OSBPL6: variants seen among roughly 807,000 people sequenced by gnomAD.
OSBPL6 encodes oxysterol binding protein like 6.
A neutral mutation model predicts 125.8 loss-of-function variants in OSBPL6; 49 were observed. That is an observed-to-expected ratio of 0.39 (90% CI 0.31 to 0.49). The LOEUF (loss-of-function observed/expected upper bound fraction) is 0.49. Ranked by LOEUF, OSBPL6 falls within the 20% of genes least tolerant of loss-of-function variation. The pLI is 0.88. For synonymous variants in OSBPL6, 394 were observed against 391.8 expected (o/e 1.01, Z -0.07); for missense variants, 986 against 1,135.4 (o/e 0.87, Z 1.89).
chr2:178,228,470 G>A (rs926470774), intron 1 of OSBPL6, among the ~76,000 whole-genome samples: 1 of 152,238 alleles, frequency 6.6e-6, no homozygotes, highest in African/African-American at 2.4e-5. Flanking sequence ...GGGAGGTGGA[G>A]CTTGCAGTGA....
intron 1 of OSBPL6, among the ~76,000 whole-genome samples, chr2:178,229,206 C>G (rs2090706761): frequency 6.6e-6 from 1 of 152,164 alleles, no homozygotes; most frequent in Non-Finnish European, 1.5e-5. Context: ...ACCTAATCAC[C>G]TCTTACAGGC....
rs372089859 is a variant in OSBPL6, at chr2:178,276,718, G to A, written c.-350-8209G>A. Among the ~76,000 whole-genome samples, 42 of 150,734 alleles carry A rather than the reference G, an allele frequency of 2.8e-4. 1 individual carries two copies. In the East Asian group the frequency reaches 6.8e-3, roughly 24 times the overall value. On this transcript the variant is annotated intron_variant, in intron 1 of 24. Transcript: ENST00000190611. ...TTTCCCTGAACTTCTCTTTGTCTCC[G>A]TGAATCCATTGCTTCCTCAGAACTT... is the stretch of plus-strand genomic sequence containing the variant.
chr2:178,259,182 C>T (rs1436343481), intron 1 of OSBPL6, among the ~76,000 whole-genome samples: 1 of 152,144 alleles, frequency 6.6e-6, no homozygotes, highest in Admixed American at 6.5e-5. Context: ...GATGCTTCTC[C>T]ACCGTGCTTC....
intron 7 of OSBPL6, 38 bp from the exon 8 acceptor site, chr2:178,332,833 A>G: frequency 6.2e-7 from 1 of 1,608,572 alleles, no homozygotes; most frequent in South Asian, 1.1e-5. Flanking sequence ...CAGGAGAGTT[A>G]TTTTACAATT....
rs1691022124 is a variant in OSBPL6 at position 178,349,367 on chromosome 2, A to G, written c.1131A>G (p.Glu377=). The G allele has an allele frequency of 1.2e-6, 2 of 1,614,202 alleles. No individual in the cohort carries two copies. The highest frequency in any genetic ancestry group is 1.7e-6 in the Non-Finnish European group (2 of 1,180,036). ...CAGATTATACAAAGCTGCAAGAAGA[A>G]TTTTGTCTAATCGCACAGAAAGGTA... ...SSTDYTKLQE[E]FCLIAQKVHS... is the part of the protein sequence containing the mutation. The change falls in exon 12 of 25, where the codon GAA becomes GAG. Residue 377 remains glutamate (E), a synonymous_variant. Coordinates refer to ENST00000190611, the MANE Select transcript of OSBPL6 (RefSeq NM_032523.4).
Position 178,336,327 on chromosome 2 carries a change from G to A in OSBPL6, c.684G>A (p.Gln228=). The part of the protein sequence containing the change: ...GKMQPNSFPW[Q]SPLPCSNSLP... ...TGCAACCAAACAGCTTTCCGTGGCAGTCCCCTTTACCATGCAGCAATAGCC... is the reference window on the plus strand; with the variant it reads ...TGCAACCAAACAGCTTTCCGTGGCAATCCCCTTTACCATGCAGCAATAGCC... Residue 228 remains glutamine, a synonymous_variant, in exon 9 of 25, where the codon CAG becomes CAA. Transcript: ENST00000190611. 6.2e-7 allele frequency: 1 copy of A among 1,613,978 alleles called. No homozygotes were observed. Among genetic ancestry groups the A allele is most frequent in the Non-Finnish European group, 8.5e-7 (1 of 1,179,960 alleles).
At chr2:178,348,812 C>T (rs1690968519) in intron 11 of OSBPL6, among the ~76,000 whole-genome samples, 1 of 152,152 alleles carries the variant, frequency 6.6e-6, no homozygotes, top group African/African-American at 2.4e-5. Flanking sequence ...CTTGAATTTT[C>T]ACAGGTTTAG....
In OSBPL6 at chr2:178,321,140, A is replaced by G. The variant is rs184388366; in HGVS notation, c.103-3037A>G. Among the ~76,000 whole-genome samples the G allele has an allele frequency of 2.6e-3, 394 of 152,212 alleles. 2 individuals are homozygous for G. The highest frequency in any genetic ancestry group is 0.01 in the Middle Eastern group (3 of 294). On this transcript the variant is annotated intron_variant, in intron 3 of 24. Transcript: ENST00000190611. ...CACTCCAGCCTGGCGATGGAGCAAG[A>G]CTCTGTCTCAAAAATAATAATAATA... is the stretch of plus-strand genomic sequence containing the variant.
At position 178,383,048 on chromosome 2, in the gene OSBPL6, G is replaced by C. The variant is rs1349274870; in HGVS notation, c.1646G>C (p.Gly549Ala). Residue 549 changes from glycine to alanine, a missense_variant, in exon 17 of 25, where the codon GGG becomes GCG. Coordinates refer to ENST00000190611, the MANE Select transcript of OSBPL6 (RefSeq NM_032523.4). Reference protein sequence around the residue: ...RQILNGELTGGAFRNGRRACL... With the variant: ...RQILNGELTGAAFRNGRRACL... ...GTCCTGAATGGGGAGCTTACAGGAG[G>C]GGCCTTCCGAAATGGGCGTCGAGCA... The C allele has an allele frequency of 6.2e-7, 1 of 1,614,018 alleles. No individual in the cohort carries two copies. The highest frequency in any genetic ancestry group is 1.7e-5 in the Admixed American group (1 of 59,986).
At chr2:178,247,514 A>T (rs1410223078) in intron 1 of OSBPL6, among the ~76,000 whole-genome samples, 2 of 152,096 alleles carry the variant, frequency 1.3e-5, no homozygotes, top group Non-Finnish European at 2.9e-5. Flanking sequence ...GTGGCCCAGG[A>T]CAGTGCTGGT....
intron 1 of OSBPL6, among the ~76,000 whole-genome samples, chr2:178,235,645 A>T (rs1250062777): frequency 1.3e-5 from 2 of 151,962 alleles, no homozygotes; most frequent in Non-Finnish European, 2.9e-5. Context: ...TGACCTCGTG[A>T]TCTGCCTGCC....
At chr2:178,277,621 G>A (rs1195115629) in intron 1 of OSBPL6, among the ~76,000 whole-genome samples, 1 of 152,192 alleles carries the variant, frequency 6.6e-6, no homozygotes, top group Non-Finnish European at 1.5e-5. Flanking sequence ...TAGTTTATTA[G>A]CATTTATAAA....
At chr2:178,273,579 C>CA (rs200694862) in intron 1 of OSBPL6, among the ~76,000 whole-genome samples, 1,755 of 149,260 alleles carry the variant, frequency 0.012, 31 homozygotes, top group African/African-American at 0.041. Flanking sequence ...TACCCCGTCT[C>CA]AAAAAAAAAG....
chr2:178,222,487 C>G (rs1265474070), intron 1 of OSBPL6, among the ~76,000 whole-genome samples: 3 of 151,998 alleles, frequency 2.0e-5, no homozygotes, highest in Non-Finnish European at 2.9e-5. Context: ...ACTAAAAATA[C>G]AAAAAATTAG....
intron 1 of OSBPL6, among the ~76,000 whole-genome samples, chr2:178,244,610 C>T (rs909903034): frequency 6.6e-6 from 1 of 152,168 alleles, no homozygotes; most frequent in Non-Finnish European, 1.5e-5. Flanking sequence ...GTAGCCTTCT[C>T]AACTGGAAGG....
At chr2:178,320,142 G>A (rs1688110694) in intron 3 of OSBPL6, 1 of 955,046 alleles carries the variant, frequency 1.0e-6, no homozygotes, top group Non-Finnish European at 1.5e-6. Context: ...CTCTCCGCGT[G>A]AGTTGCACCA....
intron 12 of OSBPL6, among the ~76,000 whole-genome samples, chr2:178,358,694 G>A (rs2154096914): frequency 6.6e-6 from 1 of 152,056 alleles, no homozygotes; most frequent in Non-Finnish European, 1.5e-5. Flanking sequence ...TCTTGGCAAT[G>A]GATTTCTTAG....
chr2:178,360,526 T>A (rs1247984140), intron 12 of OSBPL6, among the ~76,000 whole-genome samples: 1 of 152,228 alleles, frequency 6.6e-6, no homozygotes. Flanking sequence ...ACTACTTATA[T>A]GTATCTTATA....
At chr2:178,328,516 C>T in intron 5 of OSBPL6, 138 bp downstream of exon 5, 1 of 1,010,948 alleles carries the variant, frequency 9.9e-7, no homozygotes, top group Non-Finnish European at 1.4e-6. Context: ...GAGACAGATT[C>T]TCACTCTGTT....
Sources: gnomAD v4.1 joint callset for allele counts (sites outside exome capture counted in the v4.1 genomes callset) on GRCh38, gnomAD v4.1.1 for gene constraint, MANE v1.5 for transcripts, NCBI Gene and HGNC (gene_info 2026-07-23, HGNC 2026-07-21) for gene names.